Variants in RAB31 observed in about 807,000 individuals in gnomAD.
RAB31 encodes ras-related protein Rab-31.
In RAB31, 21 loss-of-function variants were observed where a neutral mutation model predicts 25.6. The ratio of observed to expected loss-of-function variants is 0.82; its 90% CI spans 0.58 to 1.18. The LOEUF (loss-of-function observed/expected upper bound fraction) is 1.18, where lower values mean the gene tolerates loss of function less well. Ranked by LOEUF, RAB31 falls within the 50% of genes most tolerant of loss-of-function variation. The pLI, the probability that RAB31 is intolerant of heterozygous loss-of-function variation, is 0.00. For synonymous variants in RAB31, 87 were observed against 84.0 expected (o/e 1.04, Z -0.20); for missense variants, 196 against 250.1 (o/e 0.78, Z 1.46).
chr18:9,844,315 G>A (rs371949643), intron 5 of RAB31, among the ~76,000 whole-genome samples: 1 of 152,154 alleles, frequency 6.6e-6, no homozygotes, highest in African/African-American at 2.4e-5. Flanking sequence ...AACATCCCCA[G>A]CAGTGCTGGG....
intron 2 of RAB31, among the ~76,000 whole-genome samples, chr18:9,781,951 G>A (rs897011016): frequency 2.6e-5 from 4 of 152,314 alleles, no homozygotes; most frequent in Non-Finnish European, 4.4e-5. Context: ...TCACAGTGCT[G>A]TAAAGACTTT....
Position 9,805,878 on chromosome 18 carries a change from T to C in RAB31, c.202-8142T>C, listed in dbSNP as rs73385072. ...TGTGTTCAAAGTCTTTTCCACCATT[T>C]AAGAGCTGTGTGTCGACTGGGCGCA... is the stretch of plus-strand genomic sequence containing the variant. On this transcript the variant is annotated intron_variant, in intron 3 of 6. Coordinates refer to ENST00000578921, the MANE Select transcript of RAB31 (RefSeq NM_006868.4). Among the ~76,000 whole-genome samples, 438 of 152,152 alleles carry C rather than the reference T, an allele frequency of 2.9e-3. 1 individual carries two copies. Among genetic ancestry groups the C allele is most frequent in the African/African-American group, 1.0e-2 (414 of 41,496 alleles).
intron 1 of RAB31, among the ~76,000 whole-genome samples, chr18:9,760,763 G>A (rs753420273): frequency 2.0e-5 from 3 of 152,190 alleles, no homozygotes; most frequent in Non-Finnish European, 2.9e-5. Flanking sequence ...CGCTAAGGAC[G>A]CGTGGAATGG....
chr18:9,814,003 T>C lies in RAB31; in HGVS notation c.202-17T>C, dbSNP rs769590118. On this transcript the variant is annotated splice_polypyrimidine_tract_variant and intron_variant, in intron 3 of 6. Transcript: ENST00000578921. ...TCTGTTCACTTTGGCCTAAAACTGT[T>C]CATTGTTCTTAAACAGTTTCATTCA... 1.1e-5 allele frequency: 17 copies of C among 1,547,796 alleles called. No homozygotes were observed. In the East Asian group the frequency reaches 3.9e-4, roughly 35 times the overall value.
intron 5 of RAB31, among the ~76,000 whole-genome samples, chr18:9,831,508 A>G (rs1422034219): frequency 6.6e-6 from 1 of 152,214 alleles, no homozygotes; most frequent in Non-Finnish European, 1.5e-5. Flanking sequence ...CTAGCAGTAG[A>G]CAGCTTCTTT....
Position 9,766,732 on chromosome 18 carries a change from C to T in RAB31, c.40-8546C>T, listed in dbSNP as rs147998449. On this transcript the variant is annotated intron_variant, in intron 1 of 6. Transcript: ENST00000578921. The surrounding 1 kb of genome is among the most constrained non-coding windows in gnomAD (Gnocchi z 4.3). ...CACTTTGGGAGGCTGAGGTGGGGAT[C>T]GCTTGAGGCCAGGAGTTTGAGACCA... Among the ~76,000 whole-genome samples the T allele has an allele frequency of 2.2e-3, 336 of 152,168 alleles. 1 individual carries two copies. Among genetic ancestry groups the T allele is most frequent in the African/African-American group, 7.7e-3 (321 of 41,526 alleles).
chr18:9,741,349 C>T, intron 1 of RAB31, among the ~76,000 whole-genome samples: 1 of 140,494 alleles, frequency 7.1e-6, no homozygotes, highest in Non-Finnish European at 1.5e-5. Flanking sequence ...TGCACTCCAG[C>T]CTGGGCAACA....
intron 1 of RAB31, among the ~76,000 whole-genome samples, chr18:9,738,513 GT>G (rs758728296): frequency 9.2e-5 from 14 of 152,328 alleles, no homozygotes; most frequent in Non-Finnish European, 1.6e-4. Flanking sequence ...AAAAGGGTGA[GT>G]TTGGAGAGCT....
At chr18:9,765,956 T>A (rs1366820697) in intron 1 of RAB31, among the ~76,000 whole-genome samples, 2 of 58,768 alleles carry the variant, frequency 3.4e-5, no homozygotes, top group African/African-American at 6.4e-5. Flanking sequence ...GTGTAGGGGG[T>A]GGGGGAGAGT....
At chr18:9,726,678 G>A (rs1245880336) in intron 1 of RAB31, among the ~76,000 whole-genome samples, 5 of 152,106 alleles carry the variant, frequency 3.3e-5, no homozygotes, top group Non-Finnish European at 7.3e-5. Context: ...AAAAGGTGCT[G>A]AGTAATAGCT....
At chr18:9,744,344 G>A (rs968728169) in intron 1 of RAB31, among the ~76,000 whole-genome samples, 5 of 152,148 alleles carry the variant, frequency 3.3e-5, no homozygotes, top group South Asian at 4.1e-4. Flanking sequence ...CCTCCAAGCC[G>A]TAGGAAAAGC....
chr18:9,802,501 C>T (rs1005239770), intron 3 of RAB31, among the ~76,000 whole-genome samples: 10 of 152,112 alleles, frequency 6.6e-5, no homozygotes, highest in Non-Finnish European at 1.5e-4. Flanking sequence ...ATAGTGAGAC[C>T]CTGTCTCTAC....
In RAB31 at chr18:9,774,147, C is replaced by T. The variant is rs181828646; in HGVS notation, c.40-1131C>T. Reference sequence around the variant, plus strand: ...TGTTTGTATTGGGGCTTGTCAACTGCTGCACACATGGCCTTTGGTTAGGGG... The same window carrying T: ...TGTTTGTATTGGGGCTTGTCAACTGTTGCACACATGGCCTTTGGTTAGGGG... On this transcript the variant is annotated intron_variant, in intron 1 of 6. Coordinates refer to ENST00000578921, the MANE Select transcript of RAB31 (RefSeq NM_006868.4). 5.9e-5 allele frequency among the ~76,000 whole-genome samples: 9 copies of T among 152,258 alleles called. No individual in the cohort carries two copies. The East Asian group carries it at 1.7e-3, about 29-fold the overall frequency.
chr18:9,844,818 G>T (rs1449861720), intron 5 of RAB31: 1 of 151,372 alleles, frequency 6.6e-6, no homozygotes, highest in African/African-American at 2.4e-5. Flanking sequence ...GATGAAATCA[G>T]GTGCGTTCAG....
chr18:9,824,949 G>A (rs961082271), intron 5 of RAB31, among the ~76,000 whole-genome samples: 3 of 152,216 alleles, frequency 2.0e-5, no homozygotes, highest in African/African-American at 7.2e-5. Context: ...GTGCTCAGGG[G>A]TGTAACCCCC....
intron 1 of RAB31, among the ~76,000 whole-genome samples, chr18:9,710,447 G>A (rs2068010539): frequency 6.6e-6 from 1 of 152,162 alleles, no homozygotes; most frequent in Non-Finnish European, 1.5e-5. Context: ...GTGGCTTCCT[G>A]CAGACAGTGC....
chr18:9,816,177 TG>T (rs2068598337), intron 5 of RAB31: 1 of 219,738 alleles, frequency 4.6e-6, no homozygotes, highest in Non-Finnish European at 9.8e-6. Context: ...AAAGGTATCA[TG>T]CCTTTGTTAT....
chr18:9,727,355 C>T (rs1317905148), intron 1 of RAB31, among the ~76,000 whole-genome samples: 2 of 152,198 alleles, frequency 1.3e-5, no homozygotes, highest in African/African-American at 2.4e-5. Context: ...CTCTCTCTGT[C>T]GTCTAGGCTA....
chr18:9,717,322 A>G (rs1188707720), intron 1 of RAB31, among the ~76,000 whole-genome samples: 1 of 152,156 alleles, frequency 6.6e-6, no homozygotes. Flanking sequence ...TCTAGAAGTC[A>G]TGAATGTGGC....
Sources: allele counts gnomAD v4.1 joint callset (sites outside exome capture counted in the v4.1 genomes callset), GRCh38; gene constraint gnomAD v4.1.1; non-coding constraint Gnocchi (gnomAD v3.1); transcripts MANE v1.5; gene names NCBI Gene and HGNC (gene_info 2026-07-23, HGNC 2026-07-21).